Variants in RPTOR observed in about 807,000 individuals in gnomAD.
RPTOR encodes the protein regulatory-associated protein of mTOR.
In RPTOR, 21 loss-of-function variants were observed where a neutral mutation model predicts 169.9. The ratio of observed to expected loss-of-function variants is 0.12; its 90% CI spans 0.09 to 0.18. The LOEUF (loss-of-function observed/expected upper bound fraction) is 0.18. Among genes scored for constraint, RPTOR ranks in the 10% least tolerant of loss-of-function variants. RPTOR has a pLI of 1.00. For missense variants in RPTOR, 1,133 were observed against 1,855.9 expected, an observed-to-expected ratio of 0.61 and a Z score of 7.16; for synonymous variants, 732 against 753.2, an observed-to-expected ratio of 0.97 and a Z score of 0.46.
chr17:80,840,694 T>TCACCACACGGCAGCTCA (rs1358015162), intron 10 of RPTOR, among the ~76,000 whole-genome samples: 1 of 90,454 alleles, frequency 1.1e-5, no homozygotes, highest in African/African-American at 4.0e-5. Flanking sequence ...CAGCTCACTC[T>TCACCACACGGCAGCTCA]CACCACACGG....
chr17:80,910,794 T>A (rs1166771283), intron 21 of RPTOR, among the ~76,000 whole-genome samples: 3 of 152,056 alleles, frequency 2.0e-5, no homozygotes. Context: ...TCTAGTTATA[T>A]CTTAGATGGA....
At chr17:80,805,967 A>C (rs1359622270) in intron 7 of RPTOR, among the ~76,000 whole-genome samples, 1 of 152,232 alleles carries the variant, frequency 6.6e-6, no homozygotes, top group Non-Finnish European at 1.5e-5. Context: ...TTCACAAGTA[A>C]AGATGAGCAG....
chr17:80,689,732 C>T (rs539810026), intron 3 of RPTOR, among the ~76,000 whole-genome samples: 10 of 152,280 alleles, frequency 6.6e-5, no homozygotes, highest in South Asian at 4.1e-4. Flanking sequence ...GTGTTTTACG[C>T]GTATGAAACA....
chr17:80,561,798 CTGAG>C (rs1413332339), intron 1 of RPTOR, among the ~76,000 whole-genome samples: 3 of 152,054 alleles, frequency 2.0e-5, no homozygotes, highest in African/African-American at 7.2e-5. Context: ...GTATATGTGT[CTGAG>C]TGTGTACGTG....
intron 8 of RPTOR, 100 bp downstream of exon 8, chr17:80,822,401 C>A: frequency 8.6e-7 from 1 of 1,168,796 alleles, no homozygotes; most frequent in Non-Finnish European, 1.3e-6. Flanking sequence ...TCCGTGAGTG[C>A]CTCCCTAGTG....
intron 9 of RPTOR, among the ~76,000 whole-genome samples, chr17:80,829,350 G>A (rs7210110): frequency 0.15 from 23,419 of 152,206 alleles, 1,914 homozygotes; most frequent in Middle Eastern, 0.22. Context: ...GGCAGCGCCC[G>A]GGCTGTGCTC....
chr17:80,575,525 G>GC (rs745668810), intron 1 of RPTOR, among the ~76,000 whole-genome samples: 267 of 152,310 alleles, frequency 1.8e-3, no homozygotes, highest in Non-Finnish European at 3.0e-3. Flanking sequence ...TGCGAATGGC[G>GC]CCCCCTCGTG....
At chr17:80,764,375 T>C (rs2066766189) in intron 6 of RPTOR, among the ~76,000 whole-genome samples, 1 of 143,614 alleles carries the variant, frequency 7.0e-6, no homozygotes, top group African/African-American at 2.6e-5. Context: ...TGTGTTCTCA[T>C]TGTTCAGTTC....
Position 80,966,235 on chromosome 17 carries a change from G to C in RPTOR, c.*1905G>C, listed in dbSNP as rs914645907. Reference sequence around the variant, plus strand: ...ATTCAATCACGACGTTAACCGGCTCGAGAGAGCGCCGGCCTAGAGGCTCAT... The same window carrying C: ...ATTCAATCACGACGTTAACCGGCTCCAGAGAGCGCCGGCCTAGAGGCTCAT... On this transcript the variant is annotated 3_prime_UTR_variant, in exon 34 of 34. Coordinates refer to ENST00000306801, the MANE Select transcript of RPTOR (RefSeq NM_020761.3). 18 of 232,072 alleles carry C rather than the reference G, an allele frequency of 7.8e-5. No homozygotes were observed. Among genetic ancestry groups the C allele is most frequent in the Non-Finnish European group, 1.4e-4 (16 of 117,560 alleles). 14.4% of individuals were successfully genotyped at this position (232,072 alleles called of 1,614,324 possible).
chr17:80,885,054 C>T lies in RPTOR; in HGVS notation c.1889C>T (p.Ser630Phe), dbSNP rs764277455. The T allele has an allele frequency of 5.0e-6, 8 of 1,608,932 alleles. No individual in the cohort carries two copies. The highest frequency in any genetic ancestry group is 1.7e-5 in the Admixed American group (1 of 59,368). ...VFALGTFVGN[S>F]AERTDHSTTI... ...GCCCTTGGCACGTTCGTGGGCAACT[C>T]TGCAGAGAGGACGGACCACTCCACC... Residue 630 changes from serine to phenylalanine, a missense_variant, in exon 17 of 34, where the codon TCT becomes TTT. Around this residue, in one of 9 missense-constraint regions of RPTOR, gnomAD observed 289 missense variants for 585.8 expected, o/e 0.49. Coordinates refer to ENST00000306801, the MANE Select transcript of RPTOR (RefSeq NM_020761.3).
At chr17:80,737,620 A>G (rs1349439684) in intron 5 of RPTOR, among the ~76,000 whole-genome samples, 1 of 152,146 alleles carries the variant, frequency 6.6e-6, no homozygotes, top group East Asian at 1.9e-4. Flanking sequence ...GGACACTTTC[A>G]GTTCCTCTTT....
At chr17:80,892,637 C>CGTCACCGAGTGTCCCAGCTGCT (rs2068340538) in intron 18 of RPTOR, 92 bp from the exon 19 acceptor site, 2 of 1,406,480 alleles carry the variant, frequency 1.4e-6, no homozygotes, top group South Asian at 1.3e-5. Flanking sequence ...TAGCAGCTGC[C>CGTCACCGAGTGTCCCAGCTGCT]GTCACCGAGT....
chr17:80,704,066 T>C (rs2066123557), intron 3 of RPTOR, among the ~76,000 whole-genome samples: 1 of 152,214 alleles, frequency 6.6e-6, no homozygotes, highest in Admixed American at 6.5e-5. Context: ...GATGGGGCTG[T>C]TGCTGCTGCG....
At chr17:80,801,010 G>C (rs1226865125) in intron 7 of RPTOR, among the ~76,000 whole-genome samples, 1 of 152,224 alleles carries the variant, frequency 6.6e-6, no homozygotes, top group Non-Finnish European at 1.5e-5. Flanking sequence ...CAGGTGCGGG[G>C]CTGCAGCCCC....
At chr17:80,605,134 G>A (rs1416865082) in intron 1 of RPTOR, among the ~76,000 whole-genome samples, 2 of 152,180 alleles carry the variant, frequency 1.3e-5, no homozygotes, top group East Asian at 3.9e-4. Context: ...GATGGCCCAT[G>A]TTTCACCAGC....
At chr17:80,930,459 C>T (rs113167096) in intron 24 of RPTOR, among the ~76,000 whole-genome samples, 11,911 of 61,620 alleles carry the variant, frequency 0.19, 10 homozygotes, top group African/African-American at 0.22. Context: ...CAGCTCATCC[C>T]CAGCTCATCC....
chr17:80,630,466 G>A (rs1223134398), intron 2 of RPTOR, among the ~76,000 whole-genome samples: 2 of 152,178 alleles, frequency 1.3e-5, no homozygotes, highest in South Asian at 2.1e-4. Context: ...GTGTGTATAA[G>A]TATGTATGTA....
chr17:80,880,100 C>T (rs1327027907), intron 13 of RPTOR, among the ~76,000 whole-genome samples: 3 of 152,110 alleles, frequency 2.0e-5, no homozygotes, highest in Non-Finnish European at 2.9e-5. Flanking sequence ...AGGGAGGGAG[C>T]GGGACCCCTG....
At chr17:80,749,618 G>A (rs1277098691) in intron 5 of RPTOR, among the ~76,000 whole-genome samples, 1 of 152,166 alleles carries the variant, frequency 6.6e-6, no homozygotes, top group African/African-American at 2.4e-5. Context: ...TGGAGGCTGT[G>A]GCGGGAGAGC....
Sources: allele counts gnomAD v4.1 joint callset (sites outside exome capture counted in the v4.1 genomes callset), GRCh38; gene constraint gnomAD v4.1.1; regional missense constraint gnomAD v4.1.1; transcripts MANE v1.5; gene names NCBI Gene and HGNC (gene_info 2026-07-23, HGNC 2026-07-21).